ADCY1: variants seen among roughly 807,000 people sequenced by gnomAD.
The protein encoded by ADCY1 is adenylate cyclase type 1.
Under a neutral mutation model 105.4 loss-of-function variants are expected in ADCY1, and 28 were observed. The observed-to-expected ratio is 0.27, with a 90% confidence interval of 0.20 to 0.36. The LOEUF is 0.36. Ranked by LOEUF, ADCY1 falls within the 10% of genes least tolerant of loss-of-function variation. The pLI is 1.00. For synonymous variants in ADCY1, 655 were observed against 623.8 expected (o/e 1.05, Z -0.75); for missense variants, 977 against 1,434.2 (o/e 0.68, Z 5.15).
intron 5 of ADCY1, among the ~76,000 whole-genome samples, chr7:45,654,773 C>T (rs999981593): frequency 6.6e-6 from 1 of 152,232 alleles, no homozygotes; most frequent in Non-Finnish European, 1.5e-5. Context: ...ACAACCACCA[C>T]ACGTGGTTTT....
At chr7:45,607,132 A>T (rs1180254943) in intron 2 of ADCY1, among the ~76,000 whole-genome samples, 5 of 152,190 alleles carry the variant, frequency 3.3e-5, no homozygotes, top group Non-Finnish European at 5.9e-5. Context: ...CTGCTAATCC[A>T]ATGGACAGAG....
intron 4 of ADCY1, among the ~76,000 whole-genome samples, chr7:45,624,801 T>G (rs186839588): frequency 6.6e-6 from 1 of 152,200 alleles, no homozygotes; most frequent in Admixed American, 6.5e-5. Context: ...TGGGAACTTT[T>G]TTCTGGAGGG....
chr7:45,705,505 T>C (rs1395401618), intron 17 of ADCY1, among the ~76,000 whole-genome samples: 1 of 152,226 alleles, frequency 6.6e-6, no homozygotes, highest in Non-Finnish European at 1.5e-5. Context: ...AGAAAAATTA[T>C]TTAAGTCTAA....
At chr7:45,655,694 G>A (rs998921222) in intron 5 of ADCY1, among the ~76,000 whole-genome samples, 2 of 152,156 alleles carry the variant, frequency 1.3e-5, no homozygotes, top group East Asian at 3.9e-4. Flanking sequence ...GCGTGGATTT[G>A]GTTGGAGGCT....
intron 8 of ADCY1, among the ~76,000 whole-genome samples, chr7:45,672,389 T>C (rs138148917): frequency 3.2e-4 from 48 of 152,300 alleles, no homozygotes; most frequent in African/African-American, 1.1e-3. Context: ...CTTACTTTAT[T>C]GTTTTAAAGA....
intron 3 of ADCY1, among the ~76,000 whole-genome samples, chr7:45,618,012 G>A (rs1793785399): frequency 1.3e-5 from 2 of 152,172 alleles, no homozygotes; most frequent in South Asian, 4.1e-4. Context: ...AAACAGCATG[G>A]TACTGGTATA....
chr7:45,633,096 T>G (rs1794304031), intron 4 of ADCY1, among the ~76,000 whole-genome samples: 1 of 152,140 alleles, frequency 6.6e-6, no homozygotes, highest in Admixed American at 6.5e-5. Context: ...TTTTGTATTT[T>G]TGGTAGAGAC....
chr7:45,597,132 A>C (rs1189087897), intron 2 of ADCY1, among the ~76,000 whole-genome samples: 1 of 152,142 alleles, frequency 6.6e-6, no homozygotes, highest in East Asian at 1.9e-4. Flanking sequence ...GCAGGAGAGC[A>C]CAGCAGGGTA....
At chr7:45,657,673 C>T (rs762597527) in intron 5 of ADCY1, 54 bp from the exon 6 acceptor site, 47 of 1,567,158 alleles carry the variant, frequency 3.0e-5, no homozygotes, top group Non-Finnish European at 3.9e-5. Flanking sequence ...CAAGGTGGCC[C>T]CCTGGGAGGA....
intron 2 of ADCY1, among the ~76,000 whole-genome samples, chr7:45,609,649 A>G (rs1376973887): frequency 6.6e-6 from 1 of 152,122 alleles, no homozygotes; most frequent in East Asian, 1.9e-4. Flanking sequence ...TTTCTGGAAC[A>G]TGGTCTCTCA....
At chr7:45,682,711 T>G (rs1312152574) in intron 11 of ADCY1, among the ~76,000 whole-genome samples, 1 of 151,850 alleles carries the variant, frequency 6.6e-6, no homozygotes, top group Non-Finnish European at 1.5e-5. Flanking sequence ...CTCAGGAGGG[T>G]GTTGGGCCCA....
chr7:45,681,371 C>G (rs1349188426), intron 11 of ADCY1, among the ~76,000 whole-genome samples: 1 of 152,182 alleles, frequency 6.6e-6, no homozygotes, highest in Non-Finnish European at 1.5e-5. Flanking sequence ...GGACTCTGCC[C>G]TGGATGCCAC....
chr7:45,721,544 TGCTCA>T lies in ADCY1; in HGVS notation c.*7553_*7557del. On this transcript the variant is annotated 3_prime_UTR_variant, in exon 20 of 20. Transcript: ENST00000297323. Reference sequence around the variant, plus strand: ...CTGAAACTACACACCATTTCTTCCCTGCTCAGCTTCTGCTCAGGAGTTCTGTGAGC... The same window carrying T: ...CTGAAACTACACACCATTTCTTCCCTGCTTCTGCTCAGGAGTTCTGTGAGC... 1 of 397,284 alleles carries T rather than the reference TGCTCA, an allele frequency of 2.5e-6. No individual in the cohort carries two copies. The highest frequency in any genetic ancestry group is 2.1e-5 in the African/African-American group (1 of 48,746). The allele number at this position is 397,284 out of a possible 1,614,324, so 24.6% of individuals were successfully genotyped here. A position where few individuals can be genotyped will look rare whatever the true frequency, so the allele number is the denominator to read the frequency against.
chr7:45,597,988 A>G (rs942413430), intron 2 of ADCY1, among the ~76,000 whole-genome samples: 7 of 152,192 alleles, frequency 4.6e-5, no homozygotes, highest in Admixed American at 3.9e-4. Context: ...AAACAGAACA[A>G]AGGGTCACCC....
intron 3 of ADCY1, among the ~76,000 whole-genome samples, chr7:45,615,044 G>A (rs182892027): frequency 2.6e-5 from 4 of 152,192 alleles, no homozygotes; most frequent in African/African-American, 4.8e-5. Context: ...GACATATAGC[G>A]GACATTACAA....
intron 4 of ADCY1, among the ~76,000 whole-genome samples, chr7:45,630,648 T>TC (rs1332398422): frequency 6.6e-6 from 1 of 152,056 alleles, no homozygotes; most frequent in East Asian, 1.9e-4. Flanking sequence ...CTCTGCCTTT[T>TC]CCCCCTCCCT....
chr7:45,714,097 A>C lies in ADCY1; in HGVS notation c.*102A>C, dbSNP rs762380521. The C allele has an allele frequency of 6.7e-5, 42 of 623,548 alleles. No individual in the cohort carries two copies. The highest frequency in any genetic ancestry group is 8.6e-6 in the Non-Finnish European group (3 of 347,078). 38.6% of individuals were successfully genotyped at this position (623,548 alleles called of 1,614,324 possible). On this transcript the variant is annotated 3_prime_UTR_variant, in exon 20 of 20. Transcript: ENST00000297323. ...CCAGGACCAGCCAGACCAGCAGAGC[A>C]GGGAGCCACTTGCCAGGGTGGAGGA... is the stretch of plus-strand genomic sequence containing the variant.
intron 5 of ADCY1, among the ~76,000 whole-genome samples, chr7:45,651,987 T>C (rs545700443): frequency 1.3e-5 from 2 of 152,168 alleles, no homozygotes; most frequent in Non-Finnish European, 2.9e-5. Flanking sequence ...GAAAAGAGGT[T>C]TAATTGACTT....
chr7:45,711,890 TTATA>T (rs1289119744), intron 19 of ADCY1, among the ~76,000 whole-genome samples: 1 of 61,990 alleles, frequency 1.6e-5, no homozygotes, highest in African/African-American at 8.1e-5. Context: ...ATAAATATAT[TTATA>T]TATTATATTA....
Sources: gnomAD v4.1 joint callset for allele counts (sites outside exome capture counted in the v4.1 genomes callset) on GRCh38, gnomAD v4.1.1 for gene constraint, MANE v1.5 for transcripts, NCBI Gene and HGNC (gene_info 2026-07-23, HGNC 2026-07-21) for gene names.